LARGE1: variants seen among roughly 807,000 people sequenced by gnomAD.
LARGE1 encodes the protein LARGE xylosyl- and glucuronyltransferase 1.
In LARGE1, 43 loss-of-function variants were observed where a neutral mutation model predicts 87.6. The ratio of observed to expected loss-of-function variants is 0.49; its 90% CI spans 0.38 to 0.63. LARGE1 has a LOEUF of 0.63. LARGE1 is among the 30% of genes least tolerant of loss of function. The pLI is 0.00. For synonymous variants in LARGE1, 434 were observed against 394.6 expected, an observed-to-expected ratio of 1.10 and a Z score of -1.18; for missense variants, 802 against 1,000.2, an observed-to-expected ratio of 0.80 and a Z score of 2.67.
At chr22:33,358,305 T>TA (rs2064253785) in intron 9 of LARGE1, among the ~76,000 whole-genome samples, 1 of 151,378 alleles carries the variant, frequency 6.6e-6, no homozygotes, top group Non-Finnish European at 1.5e-5. Context: ...CCAACTGTTT[T>TA]TTTTTCTTCC....
At chr22:33,316,902 C>A (rs962473287) in intron 10 of LARGE1, among the ~76,000 whole-genome samples, 1 of 152,040 alleles carries the variant, frequency 6.6e-6, no homozygotes, top group Non-Finnish European at 1.5e-5. Context: ...GACAACTCAG[C>A]ATAACAATTT....
At chr22:33,910,434 C>A (rs1186932986) in intron 1 of LARGE1, among the ~76,000 whole-genome samples, 1 of 152,160 alleles carries the variant, frequency 6.6e-6, no homozygotes, top group Non-Finnish European at 1.5e-5. Flanking sequence ...CCTACCCTAT[C>A]CTCCCATCTC....
At chr22:33,306,782 A>C (rs556713819) in intron 11 of LARGE1, among the ~76,000 whole-genome samples, 1 of 151,882 alleles carries the variant, frequency 6.6e-6, no homozygotes, top group African/African-American at 2.4e-5. Context: ...GCTGACACAG[A>C]AGAATCGCTT....
chr22:33,791,568 A>C (rs1358835933), intron 1 of LARGE1, among the ~76,000 whole-genome samples: 3 of 152,222 alleles, frequency 2.0e-5, no homozygotes, highest in African/African-American at 7.2e-5. Flanking sequence ...GAAAAGTGCC[A>C]CTTCATCTGA....
intron 7 of LARGE1, among the ~76,000 whole-genome samples, chr22:33,416,925 T>TTTTTTTTTTTA (rs2066518002): frequency 2.7e-5 from 4 of 147,434 alleles, no homozygotes; most frequent in South Asian, 2.2e-4. Flanking sequence ...TTTTTTTTTT[T>TTTTTTTTTTTA]GAGACAGAGT....
chr22:33,393,354 A>G (rs1412328406), intron 7 of LARGE1, among the ~76,000 whole-genome samples: 1 of 152,262 alleles, frequency 6.6e-6, no homozygotes, highest in Non-Finnish European at 1.5e-5. Flanking sequence ...AGCTTAATAA[A>G]TGACAGTTAC....
At chr22:33,862,317 G>A (rs1036631613) in intron 1 of LARGE1, among the ~76,000 whole-genome samples, 7 of 152,158 alleles carry the variant, frequency 4.6e-5, no homozygotes, top group Non-Finnish European at 7.4e-5. Context: ...GACTCTGTTC[G>A]GCCCACCTGG....
At chr22:33,832,343 C>T (rs1392143754) in intron 1 of LARGE1, among the ~76,000 whole-genome samples, 2 of 152,198 alleles carry the variant, frequency 1.3e-5, no homozygotes, top group East Asian at 1.9e-4. Context: ...ACCCTGTGAG[C>T]TCTGTCTAAA....
chr22:33,294,698 C>T lies in LARGE1; in HGVS notation c.1730+9531G>A, dbSNP rs554186170. Among the ~76,000 whole-genome samples, 302 of 152,264 alleles carry T rather than the reference C, an allele frequency of 2.0e-3. 1 individual carries two copies. The highest frequency in any genetic ancestry group is 3.6e-3 in the Non-Finnish European group (242 of 68,022). On this transcript the variant is annotated intron_variant, in intron 12 of 14. Transcript: ENST00000397394. ...CTGTTTCGCTCACTGGTGGTGGCTG[C>T]CTGTGCATGTACCTCTCAGCCCTGC...
chr22:33,069,864 C>T, the LARGE1 span, among the ~76,000 whole-genome samples: 13 of 142,128 alleles, frequency 9.1e-5, no homozygotes, highest in Admixed American at 9.1e-4. Flanking sequence ...GTTGCCCAGG[C>T]TGGAGTGCAA....
At chr22:33,637,717 A>G (rs1255484778) in intron 3 of LARGE1, among the ~76,000 whole-genome samples, 1 of 152,230 alleles carries the variant, frequency 6.6e-6, no homozygotes, top group Non-Finnish European at 1.5e-5. Context: ...ATGGTTACAG[A>G]GTCTTCAGCC....
At chr22:33,681,848 C>T (rs1478856134) in intron 2 of LARGE1, among the ~76,000 whole-genome samples, 1 of 152,196 alleles carries the variant, frequency 6.6e-6, no homozygotes, top group East Asian at 1.9e-4. Context: ...CATCTTTTAG[C>T]GGAGCCCAAT....
At chr22:33,188,628 C>G (rs1293027171) in intron 11 of LARGE1, among the ~76,000 whole-genome samples, 1 of 152,178 alleles carries the variant, frequency 6.6e-6, no homozygotes, top group Non-Finnish European at 1.5e-5. Context: ...CTAAAGCCAT[C>G]TGGACTCTAA....
intron 1 of LARGE1, among the ~76,000 whole-genome samples, chr22:33,803,541 C>T (rs2086226116): frequency 6.6e-6 from 1 of 152,204 alleles, no homozygotes; most frequent in Non-Finnish European, 1.5e-5. Context: ...TCGCCAGACT[C>T]AGCATGTAGA....
At chr22:33,857,892 C>T (rs1049756667) in intron 1 of LARGE1, among the ~76,000 whole-genome samples, 4 of 152,234 alleles carry the variant, frequency 2.6e-5, no homozygotes, top group East Asian at 3.9e-4. Context: ...CCATTGTTAC[C>T]GGGGTTCCTT....
intron 6 of LARGE1, among the ~76,000 whole-genome samples, chr22:33,517,896 T>C (rs1421398405): frequency 6.6e-6 from 1 of 152,104 alleles, no homozygotes; most frequent in East Asian, 1.9e-4. Context: ...TCTGGAAAAA[T>C]CAGGCTACAA....
chr22:33,341,737 T>G (rs988028049), intron 9 of LARGE1, among the ~76,000 whole-genome samples: 1 of 152,204 alleles, frequency 6.6e-6, no homozygotes, highest in African/African-American at 2.4e-5. Flanking sequence ...TTTACTTAGC[T>G]GTGTGTGTCC....
intron 6 of LARGE1, among the ~76,000 whole-genome samples, chr22:33,493,154 CTTTTTTTTTTTT>C (rs750203810): frequency 3.7e-5 from 4 of 109,176 alleles, no homozygotes; most frequent in African/African-American, 7.3e-5. Context: ...GCATGGTGGC[CTTTTTTTTTTTT>C]TTTTTTTTTT....
At chr22:33,798,666 G>A (rs1346710124) in intron 1 of LARGE1, among the ~76,000 whole-genome samples, 1 of 152,176 alleles carries the variant, frequency 6.6e-6, no homozygotes, top group Non-Finnish European at 1.5e-5. Flanking sequence ...GATATGATCT[G>A]AAGAGGATGG....
Sources: allele counts gnomAD v4.1 joint callset (sites outside exome capture counted in the v4.1 genomes callset), GRCh38; gene constraint gnomAD v4.1.1; transcripts MANE v1.5; gene names NCBI Gene and HGNC (gene_info 2026-07-23, HGNC 2026-07-21).